CDH18: variants seen among roughly 807,000 people sequenced by gnomAD.
CDH18 encodes the protein cadherin 18, also known as cadherin-18.
CDH18 carries 31 observed loss-of-function variants against 67.9 expected under a neutral mutation model. The observed-to-expected ratio is 0.46, with a 90% CI of 0.34 to 0.62. The LOEUF is 0.62. CDH18 is among the 20% of genes least tolerant of loss of function. The pLI, the probability that CDH18 is intolerant of heterozygous loss-of-function variation, is 0.01. For synonymous variants in CDH18, 362 were observed against 347.2 expected (o/e 1.04, Z -0.48); for missense variants, 890 against 975.5 (o/e 0.91, Z 1.17).
intron 1 of CDH18, among the ~76,000 whole-genome samples, chr5:20,465,152 G>A (rs189619864): frequency 2.0e-5 from 3 of 152,034 alleles, no homozygotes; most frequent in Non-Finnish European, 4.4e-5. Context: ...TGACAGGATG[G>A]CATGAGAGAG....
intron 2 of CDH18, among the ~76,000 whole-genome samples, chr5:19,973,519 G>A (rs935208399): frequency 4.6e-5 from 7 of 152,066 alleles, no homozygotes; most frequent in Non-Finnish European, 1.0e-4. Flanking sequence ...GGTTAAGGAA[G>A]GTTTACTTTT....
At chr5:20,316,647 T>C (rs891418736) in intron 1 of CDH18, among the ~76,000 whole-genome samples, 3 of 151,944 alleles carry the variant, frequency 2.0e-5, no homozygotes, top group Non-Finnish European at 2.9e-5. Context: ...GGAAATGATA[T>C]GCATTTTGAC....
chr5:19,845,698 T>C (rs188568369), intron 2 of CDH18, among the ~76,000 whole-genome samples: 2 of 151,978 alleles, frequency 1.3e-5, no homozygotes, highest in East Asian at 3.9e-4. Flanking sequence ...GTTGGGTGCA[T>C]ATATATTTAT....
intron 5 of CDH18, among the ~76,000 whole-genome samples, chr5:19,633,876 C>T (rs2150191245): frequency 6.6e-6 from 1 of 152,296 alleles, no homozygotes; most frequent in South Asian, 2.1e-4. Context: ...AAGGGATCCA[C>T]CCCTCTCAGT....
intron 11 of CDH18, among the ~76,000 whole-genome samples, chr5:19,499,162 T>C (rs776667199): frequency 6.6e-6 from 1 of 152,196 alleles, no homozygotes; most frequent in Non-Finnish European, 1.5e-5. Context: ...GTCCCTCATG[T>C]AGAAATTAAA....
chr5:19,646,512 G>A (rs946664341), intron 5 of CDH18, among the ~76,000 whole-genome samples: 1 of 151,544 alleles, frequency 6.6e-6, no homozygotes, highest in Middle Eastern at 3.2e-3. Flanking sequence ...GCTAATTTTT[G>A]TATTTTTAGC....
At chr5:19,976,971 G>A (rs1444153223) in intron 2 of CDH18, among the ~76,000 whole-genome samples, 1 of 152,116 alleles carries the variant, frequency 6.6e-6, no homozygotes, top group African/African-American at 2.4e-5. Flanking sequence ...ATGTTTGCAT[G>A]TTTAAATATA....
At chr5:19,576,622 G>T (rs1742353923) in intron 7 of CDH18, among the ~76,000 whole-genome samples, 2 of 152,108 alleles carry the variant, frequency 1.3e-5, no homozygotes, top group African/African-American at 4.8e-5. Flanking sequence ...GTGGAGAAAA[G>T]GAAACACAGG....
intron 2 of CDH18, among the ~76,000 whole-genome samples, chr5:20,181,318 C>T (rs1737669282): frequency 6.6e-6 from 1 of 152,106 alleles, no homozygotes. Flanking sequence ...GGAATGCCCT[C>T]TTAAAAGAAC....
chr5:20,148,246 C>G (rs538156107), intron 2 of CDH18, among the ~76,000 whole-genome samples: 1 of 151,974 alleles, frequency 6.6e-6, no homozygotes, highest in Non-Finnish European at 1.5e-5. Context: ...CGCCCATCAC[C>G]ATACCCGGCT....
intron 1 of CDH18, among the ~76,000 whole-genome samples, chr5:20,391,005 G>T (rs1744802956): frequency 6.6e-6 from 1 of 151,804 alleles, no homozygotes; most frequent in Admixed American, 6.6e-5. Context: ...AAGAGGGGAG[G>T]GATAGCATTT....
At chr5:20,142,666 C>T (rs1276390296) in intron 2 of CDH18, among the ~76,000 whole-genome samples, 1 of 151,774 alleles carries the variant, frequency 6.6e-6, no homozygotes, top group Admixed American at 6.6e-5. Flanking sequence ...CATTAGTGTC[C>T]TTATAAAAAC....
intron 2 of CDH18, among the ~76,000 whole-genome samples, chr5:20,160,092 T>C (rs192836670): frequency 5.9e-5 from 9 of 152,308 alleles, no homozygotes; most frequent in Non-Finnish European, 1.2e-4. Flanking sequence ...GGTAAAATGA[T>C]ATCTCACAAT....
intron 11 of CDH18, among the ~76,000 whole-genome samples, chr5:19,492,336 T>C (rs1741606158): frequency 6.6e-6 from 1 of 152,108 alleles, no homozygotes; most frequent in Non-Finnish European, 1.5e-5. Context: ...TGATTTCATA[T>C]TGGGGGATTA....
chr5:19,996,933 A>G (rs1365739296), intron 2 of CDH18, among the ~76,000 whole-genome samples: 1 of 152,070 alleles, frequency 6.6e-6, no homozygotes, highest in Non-Finnish European at 1.5e-5. Flanking sequence ...CAGAAAATAC[A>G]AACAGAATAT....
intron 5 of CDH18, among the ~76,000 whole-genome samples, chr5:19,634,448 T>C (rs1305507254): frequency 6.6e-6 from 1 of 152,186 alleles, no homozygotes; most frequent in African/African-American, 2.4e-5. Context: ...ATGTGGGTCA[T>C]GAGTTCTCAT....
intron 2 of CDH18, among the ~76,000 whole-genome samples, chr5:19,941,209 A>C (rs1047578042): frequency 1.3e-5 from 2 of 152,040 alleles, no homozygotes; most frequent in Non-Finnish European, 2.9e-5. Flanking sequence ...AAGAGTGAGA[A>C]GTCTATAATC....
intron 9 of CDH18, among the ~76,000 whole-genome samples, chr5:19,543,635 A>G (rs1162359572): frequency 1.3e-5 from 2 of 152,306 alleles, no homozygotes; most frequent in African/African-American, 2.4e-5. Flanking sequence ...AGGATGAGGC[A>G]TAAGTGTTCT....
intron 2 of CDH18, among the ~76,000 whole-genome samples, chr5:19,925,409 G>T (rs778804869): frequency 5.3e-5 from 8 of 152,208 alleles, no homozygotes; most frequent in Non-Finnish European, 1.2e-4. Flanking sequence ...AAGAACGCAA[G>T]ACATCACTTT....
Sources: gnomAD v4.1 joint callset for allele counts (sites outside exome capture counted in the v4.1 genomes callset) on GRCh38, gnomAD v4.1.1 for gene constraint, MANE v1.5 for transcripts, NCBI Gene and HGNC (gene_info 2026-07-23, HGNC 2026-07-21) for gene names.